RARB: variants seen among roughly 807,000 people sequenced by gnomAD.
RARB encodes retinoic acid receptor beta, also known as HBV-activated protein.
In RARB, 17 loss-of-function variants were observed where a neutral mutation model predicts 51.9. The observed-to-expected ratio is 0.33, with a 90% CI of 0.22 to 0.49. RARB has a LOEUF of 0.49. Ranked by LOEUF, RARB falls within the 20% of genes least tolerant of loss-of-function variation. RARB has a pLI of 0.99. For synonymous variants in RARB, 215 were observed against 195.4 expected (o/e 1.10, Z -0.84); for missense variants, 369 against 550.8 (o/e 0.67, Z 3.30).
At chr3:24,832,987 C>G (rs1485525182) in intron 1 of RARB, 2 of 152,178 alleles carry the variant, frequency 1.3e-5, no homozygotes, top group Non-Finnish European at 2.9e-5. Context: ...CATTTCTTTT[C>G]TCCGTGTCAT....
rs142318130 is a variant in RARB at position 25,321,574 on chromosome 3, G to A, written c.179-139619G>A. ...CTCTACTAAAAATTAAAAATTAGCC[G>A]GGCATGGTGGCAGGTACCTGTAATC... On this transcript the variant is annotated intron_variant, in intron 5 of 11. Transcript: ENST00000383772. Among the ~76,000 whole-genome samples the A allele has an allele frequency of 3.3e-3, 504 of 151,856 alleles. 3 individuals are homozygous for A. Among genetic ancestry groups the A allele is most frequent in the African/African-American group, 0.011 (468 of 41,410 alleles).
intron 5 of RARB, among the ~76,000 whole-genome samples, chr3:25,322,248 C>T (rs1704592686): frequency 1.3e-5 from 2 of 152,170 alleles, no homozygotes; most frequent in South Asian, 2.1e-4. Context: ...CTACCTCATT[C>T]CTTCCACCAA....
chr3:25,491,378 G>A (rs1234348414), intron 2 of RARB, among the ~76,000 whole-genome samples: 1 of 151,968 alleles, frequency 6.6e-6, no homozygotes, highest in Non-Finnish European at 1.5e-5. Flanking sequence ...CTCAGGTCGT[G>A]GAATTTCTCA....
At chr3:24,903,526 T>C (rs13062430) in intron 2 of RARB, among the ~76,000 whole-genome samples, 52,531 of 152,024 alleles carry the variant, frequency 0.35, 11,435 homozygotes, top group Non-Finnish European at 0.47. Flanking sequence ...ACCATTTCAA[T>C]GTATGATTAA....
chr3:25,124,251 G>A (rs1699828471), intron 3 of RARB, among the ~76,000 whole-genome samples: 1 of 152,162 alleles, frequency 6.6e-6, no homozygotes, highest in African/African-American at 2.4e-5. Flanking sequence ...GCAGGCATTT[G>A]TAATTTCAGC....
chr3:25,596,604 A>G lies in RARB; in HGVS notation c.1335A>G (p.Pro445=). ...SVENSGVSQS[P]LVQ is the part of the protein sequence containing the mutation. ...AAAACAGTGGGGTCAGTCAGTCACCACTCGTGCAATAAGACATTTTCTAGC... is the reference window on the plus strand; with the variant it reads ...AAAACAGTGGGGTCAGTCAGTCACCGCTCGTGCAATAAGACATTTTCTAGC... Residue 445 remains proline, a synonymous_variant, in exon 8 of 8, where the codon CCA becomes CCG. Transcript: ENST00000330688. 6.3e-7 allele frequency: 1 copy of G among 1,595,602 alleles called. No homozygotes were observed. The highest frequency in any genetic ancestry group is 8.6e-7 in the Non-Finnish European group (1 of 1,166,122).
At chr3:25,161,168 A>G (rs1434001914) in intron 4 of RARB, among the ~76,000 whole-genome samples, 4 of 143,622 alleles carry the variant, frequency 2.8e-5, no homozygotes, top group African/African-American at 5.1e-5. Context: ...ACCCACCACC[A>G]TGCCCAGCTA....
At chr3:25,375,622 G>GCAAAC (rs1198587882) in intron 5 of RARB, among the ~76,000 whole-genome samples, 5 of 152,174 alleles carry the variant, frequency 3.3e-5, no homozygotes. Context: ...TTTGTCTGAA[G>GCAAAC]CAAACTTGGA....
intron 2 of RARB, among the ~76,000 whole-genome samples, chr3:24,891,083 G>A (rs1181960618): frequency 6.6e-6 from 1 of 152,136 alleles, no homozygotes; most frequent in Non-Finnish European, 1.5e-5. Flanking sequence ...GGAAAGTTGT[G>A]AACAACGCAG....
chr3:25,326,194 C>T (rs1261956523), intron 5 of RARB, among the ~76,000 whole-genome samples: 1 of 152,144 alleles, frequency 6.6e-6, no homozygotes, highest in Admixed American at 6.5e-5. Context: ...GTATATCTCC[C>T]TAAAATTCTG....
intron 3 of RARB, among the ~76,000 whole-genome samples, chr3:25,129,796 CATTTGTCATT>C (rs1699916436): frequency 6.6e-6 from 1 of 152,022 alleles, no homozygotes; most frequent in African/African-American, 2.4e-5. Flanking sequence ...TTGTAGCCAT[CATTTGTCATT>C]ATTTTGGTAT....
At chr3:25,275,789 G>C (rs1442270039) in intron 5 of RARB, among the ~76,000 whole-genome samples, 1 of 147,840 alleles carries the variant, frequency 6.8e-6, no homozygotes, top group African/African-American at 2.5e-5. Flanking sequence ...TGGAGGGAGG[G>C]GGGAGGGATA....
intron 2 of RARB, among the ~76,000 whole-genome samples, chr3:24,976,690 T>C (rs771855143): frequency 6.6e-6 from 1 of 152,186 alleles, no homozygotes; most frequent in Non-Finnish European, 1.5e-5. Flanking sequence ...ACTACAAAAA[T>C]TTTCTGTCAT....
rs933420446 is a variant in RARB at position 24,932,945 on chromosome 3, C to A, written c.-380+74193C>A. On this transcript the variant is annotated intron_variant, in intron 2 of 11. Coordinates refer to the RARB transcript ENST00000383772. ...TATAATTTATTTATGAATAAAGTAG[C>A]CTTAAATGAGAAAACTGGTGGATTC... Among the ~76,000 whole-genome samples the A allele has an allele frequency of 2.4e-4, 37 of 151,860 alleles. 1 individual carries two copies. Among genetic ancestry groups the A allele is most frequent in the African/African-American group, 8.7e-4 (36 of 41,332 alleles).
intron 5 of RARB, among the ~76,000 whole-genome samples, chr3:25,274,933 C>T (rs1703346014): frequency 6.6e-6 from 1 of 152,122 alleles, no homozygotes; most frequent in African/African-American, 2.4e-5. Flanking sequence ...TCCTTGCCCA[C>T]AGTGGAGGGA....
intron 5 of RARB, among the ~76,000 whole-genome samples, chr3:25,261,947 T>C (rs374385489): frequency 6.6e-6 from 1 of 152,260 alleles, no homozygotes; most frequent in East Asian, 1.9e-4. Context: ...TCTCTCATTC[T>C]GCCCTCTCCA....
chr3:25,031,527 G>A (rs780411103), intron 2 of RARB, among the ~76,000 whole-genome samples: 1 of 152,076 alleles, frequency 6.6e-6, no homozygotes, highest in Non-Finnish European at 1.5e-5. Flanking sequence ...GTGGGTGGTG[G>A]GTAGGAAGAA....
intron 2 of RARB, among the ~76,000 whole-genome samples, chr3:24,916,439 C>T (rs1695106903): frequency 6.6e-6 from 1 of 152,112 alleles, no homozygotes; most frequent in Non-Finnish European, 1.5e-5. Flanking sequence ...CTAGATGCTT[C>T]TAAGGAGAAG....
At chr3:25,349,338 G>A (rs1705489632) in intron 5 of RARB, among the ~76,000 whole-genome samples, 1 of 152,204 alleles carries the variant, frequency 6.6e-6, no homozygotes, top group African/African-American at 2.4e-5. Flanking sequence ...CACTTTTCGA[G>A]GATGGCCAGC....
Sources: gnomAD v4.1 joint callset for allele counts (sites outside exome capture counted in the v4.1 genomes callset) on GRCh38, gnomAD v4.1.1 for gene constraint, MANE v1.5 for transcripts, NCBI Gene and HGNC (gene_info 2026-07-23, HGNC 2026-07-21) for gene names.